The following EYS variants were observed in gnomAD, a reference collection of about 807,000 sequenced individuals.
EYS encodes protein eyes shut homolog.
A neutral mutation model predicts 282.1 loss-of-function variants in EYS; 250 were observed. The ratio of observed to expected loss-of-function variants is 0.89; its 90% CI spans 0.80 to 0.98. The LOEUF (loss-of-function observed/expected upper bound fraction) is 0.98, where lower values mean the gene tolerates loss of function less well. EYS is among the 50% of genes least tolerant of loss of function. EYS has a pLI of 0.00. For missense variants in EYS, 4,016 were observed against 3,709.0 expected, an observed-to-expected ratio of 1.08 and a Z score of -2.15; for synonymous variants, 1,355 against 1,282.9, an observed-to-expected ratio of 1.06 and a Z score of -1.20.
intron 6 of EYS, among the ~76,000 whole-genome samples, chr6:65,403,236 A>T (rs1766585682): frequency 6.6e-6 from 1 of 152,070 alleles, no homozygotes; most frequent in African/African-American, 2.4e-5. Flanking sequence ...AAAATAAACC[A>T]TTGGCACCTG....
At chr6:64,886,902 A>G in intron 18 of EYS, 60 bp from the exon 19 acceptor site, 1 of 953,686 alleles carries the variant, frequency 1.0e-6, no homozygotes, top group Non-Finnish European at 1.5e-6. Flanking sequence ...TTTATTATAT[A>G]TGATTCATAT....
chr6:65,241,410 G>A lies in EYS; in HGVS notation c.2023+54453C>T, dbSNP rs147556408. 1.6e-3 allele frequency among the ~76,000 whole-genome samples: 245 copies of A among 152,158 alleles called. 2 individuals carry two copies. The highest frequency in any genetic ancestry group is 5.4e-3 in the African/African-American group (225 of 41,540). On this transcript the variant is annotated intron_variant, in intron 12 of 42. Transcript: ENST00000503581. ...TATTCTGTTTCTATTCTGCACTAAA[G>A]AGTCAGTAGCAAACAAGTTTATAAA...
chr6:63,826,846 A>AAAAAAAAAAAAAAAAAAAAAAAAAAC (rs1771479364), intron 36 of EYS, among the ~76,000 whole-genome samples: 1 of 2,618 alleles, frequency 3.8e-4, no homozygotes, highest in Non-Finnish European at 7.8e-4. Flanking sequence ...GTTAAAAAGC[A>AAAAAAAAAAAAAAAAAAAAAAAAAAC]AAAAAAAAAA....
intron 34 of EYS, among the ~76,000 whole-genome samples, chr6:63,994,867 A>G (rs2149799119): frequency 6.6e-6 from 1 of 152,122 alleles, no homozygotes; most frequent in Admixed American, 6.6e-5. Flanking sequence ...TACACTATAC[A>G]TAAAAATCTA....
At chr6:63,962,897 G>A (rs1296676052) in intron 35 of EYS, among the ~76,000 whole-genome samples, 2 of 152,064 alleles carry the variant, frequency 1.3e-5, no homozygotes, top group East Asian at 1.9e-4. Context: ...AAGAAAATGT[G>A]GCACATATAC....
intron 26 of EYS, among the ~76,000 whole-genome samples, chr6:64,574,496 GTAATATTGA>G (rs1288557165): frequency 6.6e-6 from 1 of 152,100 alleles, no homozygotes; most frequent in Non-Finnish European, 1.5e-5. Context: ...ACTTCCCCAT[GTAATATTGA>G]TAAGCATGGA....
intron 12 of EYS, among the ~76,000 whole-genome samples, chr6:65,236,087 T>G (rs1232915522): frequency 6.9e-6 from 1 of 144,222 alleles, no homozygotes; most frequent in Admixed American, 6.8e-5. Context: ...ATAAATATTA[T>G]TAGTAGCATT....
At chr6:64,556,174 C>T (rs181610855) in intron 26 of EYS, among the ~76,000 whole-genome samples, 28 of 151,906 alleles carry the variant, frequency 1.8e-4, no homozygotes, top group Non-Finnish European at 1.8e-4. Flanking sequence ...TTCACAGAGA[C>T]GTATGCATAA....
intron 1 of EYS, among the ~76,000 whole-genome samples, chr6:65,704,160 A>C (rs943078152): frequency 2.0e-5 from 3 of 152,206 alleles, no homozygotes; most frequent in African/African-American, 7.2e-5. Context: ...TTTGTGTAAT[A>C]AAGCATGCAA....
chr6:65,354,002 T>A (rs1764386543), intron 8 of EYS, among the ~76,000 whole-genome samples: 1 of 152,120 alleles, frequency 6.6e-6, no homozygotes. Flanking sequence ...TCATGGTGTG[T>A]TCAAATTAGA....
At chr6:64,216,229 G>C (rs1302693553) in intron 31 of EYS, among the ~76,000 whole-genome samples, 11 of 152,228 alleles carry the variant, frequency 7.2e-5, no homozygotes, top group African/African-American at 2.6e-4. Flanking sequence ...GAAGACCCCA[G>C]GTAATCATGT....
intron 28 of EYS, among the ~76,000 whole-genome samples, chr6:64,426,701 TC>T (rs1257953090): frequency 1.3e-5 from 2 of 152,084 alleles, no homozygotes; most frequent in African/African-American, 4.8e-5. Context: ...TTGGATCAAG[TC>T]CTCCCAGTAG....
chr6:65,706,886 G>A (rs1364837107), intron 1 of EYS, among the ~76,000 whole-genome samples: 2 of 152,118 alleles, frequency 1.3e-5, no homozygotes, highest in Non-Finnish European at 2.9e-5. Context: ...CAAAGGAGGT[G>A]AAAATTATAT....
intron 12 of EYS, among the ~76,000 whole-genome samples, chr6:65,271,111 G>C (rs1215837532): frequency 7.1e-5 from 3 of 42,380 alleles, no homozygotes; most frequent in African/African-American, 1.3e-4. Flanking sequence ...ATTCTCCAGA[G>C]AAACAGAATC....
At chr6:65,330,464 T>G in intron 11 of EYS, 2 of 984,338 alleles carry the variant, frequency 2.0e-6, no homozygotes, top group Non-Finnish European at 2.4e-6. Flanking sequence ...ACAATATGGC[T>G]GGTATGATTT....
At chr6:65,052,068 A>G (rs966844007) in intron 13 of EYS, among the ~76,000 whole-genome samples, 7 of 151,514 alleles carry the variant, frequency 4.6e-5, no homozygotes, top group Admixed American at 2.0e-4. Flanking sequence ...TATTTCATGG[A>G]CATTAGTTTT....
rs1562142319 is a variant in EYS at position 64,000,183 on chromosome 6, T to TCAGA, written c.6726-1001_6726-1000insTCTG. Among the ~76,000 whole-genome samples the TCAGA allele has an allele frequency of 9.3e-4, 82 of 88,428 alleles. 3 individuals are homozygous for TCAGA. Among genetic ancestry groups the TCAGA allele is most frequent in the African/African-American group, 2.9e-3 (57 of 19,704 alleles). 58.0% of individuals were successfully genotyped at this position (88,428 alleles called of 152,430 possible). A position where few individuals can be genotyped will look rare whatever the true frequency, so the allele number is the denominator to read the frequency against. ...AGACATGGGACTTTTTTTTTTTTTT[T>TCAGA]TTTTTTTTTTTTTTTTTTTTTTTTT... On this transcript the variant is annotated intron_variant, in intron 33 of 42. Coordinates refer to ENST00000503581, the MANE Select transcript of EYS (RefSeq NM_001142800.2).
intron 5 of EYS, among the ~76,000 whole-genome samples, chr6:65,419,263 T>G (rs1767361578): frequency 1.3e-5 from 2 of 151,922 alleles, no homozygotes; most frequent in African/African-American, 4.8e-5. Flanking sequence ...AGAGAACATA[T>G]CTACACCTCA....
At chr6:64,884,052 G>T (rs980484704) in intron 19 of EYS, among the ~76,000 whole-genome samples, 1 of 151,530 alleles carries the variant, frequency 6.6e-6, no homozygotes, top group African/African-American at 2.4e-5. Flanking sequence ...GAAGTATCGA[G>T]TTAATCACTG....
Sources: allele counts gnomAD v4.1 joint callset (sites outside exome capture counted in the v4.1 genomes callset), GRCh38; gene constraint gnomAD v4.1.1; transcripts MANE v1.5; gene names NCBI Gene and HGNC (gene_info 2026-07-23, HGNC 2026-07-21).